The following MTAP variants were observed in gnomAD, a reference collection of about 807,000 sequenced individuals.
MTAP encodes the protein S-methyl-5'-thioadenosine phosphorylase.
A neutral mutation model predicts 33.6 loss-of-function variants in MTAP; 33 were observed. The ratio of observed to expected loss-of-function variants is 0.98; its 90% confidence interval spans 0.74 to 1.31. The LOEUF (loss-of-function observed/expected upper bound fraction) is 1.31. Among genes scored for constraint, MTAP ranks in the 40% most tolerant of loss-of-function variants. The pLI, the probability that MTAP is intolerant of heterozygous loss-of-function variation, is 0.00. For missense variants in MTAP, 367 were observed against 360.0 expected (o/e 1.02, Z -0.16); for synonymous variants, 148 against 125.7 (o/e 1.18, Z -1.19).
intron 1 of MTAP, among the ~76,000 whole-genome samples, chr9:21,873,461 G>A (rs980084583): frequency 6.6e-6 from 1 of 152,090 alleles, no homozygotes; most frequent in African/African-American, 2.4e-5. Flanking sequence ...TCATGAATGA[G>A]ATTAGTTTCT....
At chr9:21,815,599 A>AAAG in intron 2 of MTAP, 80 bp downstream of exon 2, 2 of 1,066,632 alleles carry the variant, frequency 1.9e-6, no homozygotes, top group South Asian at 1.4e-5. Context: ...TTAAAAAAAA[A>AAAG]AAAAAGAATT....
chr9:21,849,860 A>G (rs1825470427), intron 5 of MTAP, among the ~76,000 whole-genome samples: 1 of 152,218 alleles, frequency 6.6e-6, no homozygotes, highest in South Asian at 2.1e-4. Flanking sequence ...TCATTGCTTG[A>G]GCAAATTAAC....
chr9:21,857,552 G>A (rs1381231283), intron 6 of MTAP, among the ~76,000 whole-genome samples: 1 of 152,158 alleles, frequency 6.6e-6, no homozygotes, highest in Non-Finnish European at 1.5e-5. Context: ...TGGTAATTTT[G>A]TGTTCACTTT....
At chr9:21,902,496 A>T (rs1818408642) in intron 1 of MTAP, among the ~76,000 whole-genome samples, 1 of 152,266 alleles carries the variant, frequency 6.6e-6, no homozygotes, top group African/African-American at 2.4e-5. Flanking sequence ...AACCAAAACA[A>T]CATGACAAAT....
intron 1 of MTAP, among the ~76,000 whole-genome samples, chr9:21,926,822 T>C (rs1818877019): frequency 6.6e-6 from 1 of 152,116 alleles, no homozygotes; most frequent in African/African-American, 2.4e-5. Context: ...GGCACATCGA[T>C]TAAGAAAAGA....
intron 5 of MTAP, among the ~76,000 whole-genome samples, chr9:21,847,802 G>C (rs1318519999): frequency 6.6e-6 from 1 of 152,212 alleles, no homozygotes; most frequent in Admixed American, 6.5e-5. Flanking sequence ...TGTAGAGAAA[G>C]AGCTGAAATT....
intron 4 of MTAP, among the ~76,000 whole-genome samples, chr9:21,824,967 G>C (rs1432257467): frequency 6.6e-6 from 1 of 152,152 alleles, no homozygotes; most frequent in Non-Finnish European, 1.5e-5. Flanking sequence ...GTATTAGGGT[G>C]GCAGTGACCC....
chr9:21,824,903 G>T (rs992315123), intron 4 of MTAP, among the ~76,000 whole-genome samples: 2 of 152,236 alleles, frequency 1.3e-5, no homozygotes, highest in African/African-American at 4.8e-5. Flanking sequence ...TCCGAGCTAT[G>T]CACGGGATAT....
At chr9:21,826,364 T>G (rs1824801636) in intron 4 of MTAP, among the ~76,000 whole-genome samples, 1 of 151,880 alleles carries the variant, frequency 6.6e-6, no homozygotes, top group Non-Finnish European at 1.5e-5. Context: ...TTCCACCTTC[T>G]TTTTTCCTTT....
At chr9:21,870,829 A>C (rs191303897), downstream of MTAP, among the ~76,000 whole-genome samples, 297 of 142,532 alleles carry the variant, frequency 2.1e-3, 1 homozygote, top group African/African-American at 7.2e-3. Flanking sequence ...GCTGGAGTGC[A>C]GTGGCATGAT....
At chr9:21,902,701 C>A (rs1240286957) in intron 1 of MTAP, among the ~76,000 whole-genome samples, 4 of 152,168 alleles carry the variant, frequency 2.6e-5, no homozygotes, top group African/African-American at 9.7e-5. Context: ...TTTAATACAT[C>A]CATATATGTA....
chr9:21,805,766 G>A (rs973611525), intron 1 of MTAP, among the ~76,000 whole-genome samples: 1 of 152,192 alleles, frequency 6.6e-6, no homozygotes, highest in African/African-American at 2.4e-5. Flanking sequence ...AATCTGCTGT[G>A]ACCTTGAACT....
chr9:21,885,776 CATGGT>C (rs1379376381), intron 1 of MTAP, among the ~76,000 whole-genome samples: 11 of 119,974 alleles, frequency 9.2e-5, no homozygotes, highest in Non-Finnish European at 1.0e-4. Context: ...GGTAGTATTA[CATGGT>C]GTGTGTGTGT....
Position 21,864,283 on chromosome 9 carries a change from A to T in MTAP, c.*2269A>T, listed in dbSNP as rs760747427. On this transcript the variant is annotated 3_prime_UTR_variant, in exon 8 of 8. Coordinates refer to ENST00000644715, the MANE Select transcript of MTAP (RefSeq NM_002451.4). Reference sequence around the variant, plus strand: ...GCAAAGCCAATATAATTTTCCTCATACCTTATGCTTGAGGATATTGTTGAA... The same window carrying T: ...GCAAAGCCAATATAATTTTCCTCATTCCTTATGCTTGAGGATATTGTTGAA... The T allele has an allele frequency of 9.5e-5, 94 of 984,834 alleles. No individual in the cohort carries two copies. Among genetic ancestry groups the T allele is most frequent in the Non-Finnish European group, 1.1e-4 (90 of 829,778 alleles). 61.0% of individuals were successfully genotyped at this position (984,834 alleles called of 1,614,324 possible). A position where few individuals can be genotyped will look rare whatever the true frequency, so the allele number is the denominator to read the frequency against.
chr9:21,907,395 A>G (rs1376751039), intron 1 of MTAP, among the ~76,000 whole-genome samples: 5 of 152,200 alleles, frequency 3.3e-5, no homozygotes, highest in East Asian at 1.9e-4. Context: ...CATCTCTACA[A>G]AAACCTACAA....
rs567752938 is a variant in MTAP, at chr9:21,864,631, C to T, written c.*2617C>T. ...GTGACCTGGCCCCTGTTCACTGCCC[C>T]CTTCGCTAGCACGAGTTGCTGTGCA... is the stretch of plus-strand genomic sequence containing the variant. On this transcript the variant is annotated 3_prime_UTR_variant, in exon 8 of 8. Coordinates refer to ENST00000644715, the MANE Select transcript of MTAP (RefSeq NM_002451.4). The T allele has an allele frequency of 1.0e-6, 1 of 985,542 alleles. No homozygotes were observed. Among genetic ancestry groups the T allele is most frequent in the Non-Finnish European group, 1.2e-6 (1 of 830,006 alleles). 61.0% of individuals were successfully genotyped at this position (985,542 alleles called of 1,614,324 possible).
At position 21,866,613 on chromosome 9, in the gene MTAP, T is replaced by C. The variant is rs1247835347; in HGVS notation, c.*4599T>C. ...TCATTTATCTATGTGTCTCTTCTTA[T>C]GCCAGTACCCCACTGTCTTGATTAT... On this transcript the variant is annotated 3_prime_UTR_variant, in exon 8 of 8. Coordinates refer to ENST00000644715, the MANE Select transcript of MTAP (RefSeq NM_002451.4). 1 of 152,202 alleles carries C rather than the reference T, an allele frequency of 6.6e-6. No homozygotes were observed. Among genetic ancestry groups the C allele is most frequent in the Non-Finnish European group, 1.5e-5 (1 of 68,018 alleles). The allele number at this position is 152,202 out of a possible 1,614,324, so 9.4% of individuals were successfully genotyped here.
intron 1 of MTAP, among the ~76,000 whole-genome samples, chr9:21,926,086 A>G (rs1818865090): frequency 6.6e-6 from 1 of 152,178 alleles, no homozygotes; most frequent in South Asian, 2.1e-4. Context: ...TGCCTCAAGG[A>G]AGTCACACAC....
downstream of MTAP, chr9:21,936,043 G>A (rs1228787754): frequency 6.6e-6 from 1 of 152,200 alleles, no homozygotes; most frequent in Non-Finnish European, 1.5e-5. Context: ...TCTGAAAAAT[G>A]TTTTTATTTC....
Sources: gnomAD v4.1 joint callset for allele counts (sites outside exome capture counted in the v4.1 genomes callset) on GRCh38, gnomAD v4.1.1 for gene constraint, MANE v1.5 for transcripts, NCBI Gene and HGNC (gene_info 2026-07-23, HGNC 2026-07-21) for gene names.